The following TMEM135 variants were observed in gnomAD, a reference collection of about 807,000 sequenced individuals.
TMEM135 encodes peroxisomal membrane protein 52.
In TMEM135, 30 loss-of-function variants were observed where a neutral mutation model predicts 60.3. The ratio of observed to expected loss-of-function variants is 0.50; its 90% CI spans 0.37 to 0.68. The LOEUF (loss-of-function observed/expected upper bound fraction) is 0.68. Among genes scored for constraint, TMEM135 ranks in the 30% least tolerant of loss-of-function variants. The probability of loss-of-function intolerance (pLI) is 0.00; values close to 1 mark genes in which losing one functional copy is unlikely to be tolerated. For synonymous variants in TMEM135, 190 were observed against 186.7 expected (o/e 1.02, Z -0.14); for missense variants, 468 against 548.8 (o/e 0.85, Z 1.47).
chr11:87,139,217 G>C (rs560451632), intron 4 of TMEM135, among the ~76,000 whole-genome samples: 1 of 152,210 alleles, frequency 6.6e-6, no homozygotes, highest in Admixed American at 6.5e-5. Context: ...AATGATAAGG[G>C]GGAGTTGAAT....
intron 7 of TMEM135, among the ~76,000 whole-genome samples, chr11:87,299,036 C>T (rs187441247): frequency 1.7e-3 from 258 of 150,996 alleles, no homozygotes; most frequent in African/African-American, 6.0e-3. Context: ...TGCAGTGAGC[C>T]GAGATTGCGC....
At chr11:87,116,656 C>T (rs1857891354) in intron 4 of TMEM135, among the ~76,000 whole-genome samples, 2 of 144,208 alleles carry the variant, frequency 1.4e-5, no homozygotes, top group Admixed American at 7.1e-5. Context: ...CAGACACACA[C>T]ATACATATAG....
chr11:87,314,140 C>G (rs3737363), intron 11 of TMEM135, among the ~76,000 whole-genome samples: 1 of 151,502 alleles, frequency 6.6e-6, no homozygotes, highest in African/African-American at 2.4e-5. Flanking sequence ...CACTTAAAAT[C>G]GAAAAGGAAC....
chr11:87,040,819 G>A (rs1949744417), intron 1 of TMEM135, among the ~76,000 whole-genome samples: 1 of 152,068 alleles, frequency 6.6e-6, no homozygotes, highest in South Asian at 2.1e-4. Context: ...TTTATCATAG[G>A]TTTTGAATAG....
intron 6 of TMEM135, among the ~76,000 whole-genome samples, chr11:87,273,044 T>C (rs970274778): frequency 6.6e-6 from 1 of 152,186 alleles, no homozygotes; most frequent in African/African-American, 2.4e-5. Flanking sequence ...TTCTTCCATC[T>C]TATTATTGTT....
intron 6 of TMEM135, among the ~76,000 whole-genome samples, chr11:87,254,044 T>C (rs942265937): frequency 2.0e-5 from 3 of 152,092 alleles, no homozygotes; most frequent in African/African-American, 7.2e-5. Context: ...TATATAACAA[T>C]CTGTTACCTT....
intron 6 of TMEM135, among the ~76,000 whole-genome samples, chr11:87,287,191 A>C (rs924963242): frequency 6.6e-6 from 1 of 152,262 alleles, no homozygotes; most frequent in Non-Finnish European, 1.5e-5. Context: ...TGAAGTACAA[A>C]TAGAGTAGCT....
chr11:87,187,876 G>T (rs537669686), intron 5 of TMEM135, among the ~76,000 whole-genome samples: 48 of 152,284 alleles, frequency 3.2e-4, no homozygotes, highest in African/African-American at 1.2e-3. Context: ...TATTACTTAT[G>T]CCTGGCTAGG....
chr11:87,213,419 G>A (rs1376441396), intron 5 of TMEM135, among the ~76,000 whole-genome samples: 1 of 152,182 alleles, frequency 6.6e-6, no homozygotes, highest in Non-Finnish European at 1.5e-5. Context: ...TACCTAGAGT[G>A]TAATGAGAAG....
chr11:87,044,327 T>C (rs1235288298), intron 1 of TMEM135, among the ~76,000 whole-genome samples: 1 of 152,122 alleles, frequency 6.6e-6, no homozygotes, highest in Non-Finnish European at 1.5e-5. Context: ...CAGTGAGTGC[T>C]TTAGCAAGTT....
intron 11 of TMEM135, among the ~76,000 whole-genome samples, chr11:87,313,769 A>G (rs1257476279): frequency 1.3e-5 from 2 of 151,826 alleles, no homozygotes; most frequent in African/African-American, 2.4e-5. Flanking sequence ...AAAGCCTTAT[A>G]TTTATATTTG....
intron 5 of TMEM135, among the ~76,000 whole-genome samples, chr11:87,218,550 G>T (rs1940550534): frequency 6.6e-6 from 1 of 152,100 alleles, no homozygotes; most frequent in African/African-American, 2.4e-5. Flanking sequence ...AGCTGATATT[G>T]CTTTAGTAGT....
chr11:87,270,972 T>C lies in TMEM135; in HGVS notation c.510-24810T>C, dbSNP rs563512016. Among the ~76,000 whole-genome samples the C allele has an allele frequency of 9.3e-5, 14 of 151,086 alleles. No individual in the cohort carries two copies. In the East Asian group the frequency reaches 2.7e-3, roughly 29 times the overall value. On this transcript the variant is annotated intron_variant, in intron 6 of 14. Transcript: ENST00000305494. Reference sequence around the variant, plus strand: ...ATTTTCTCTCACAAGCTTTTTTTTTTAGAAACTTTTTCAGATTCAGATAAT... The same window carrying C: ...ATTTTCTCTCACAAGCTTTTTTTTTCAGAAACTTTTTCAGATTCAGATAAT...
At chr11:87,224,527 A>G (rs1290718176) in intron 5 of TMEM135, among the ~76,000 whole-genome samples, 7 of 152,182 alleles carry the variant, frequency 4.6e-5, no homozygotes, top group Non-Finnish European at 1.0e-4. Context: ...GAGGAAAAAC[A>G]TAATATCACC....
At chr11:87,117,001 A>G (rs997416897) in intron 4 of TMEM135, among the ~76,000 whole-genome samples, 3 of 151,762 alleles carry the variant, frequency 2.0e-5, no homozygotes, top group African/African-American at 7.3e-5. Flanking sequence ...TTTTGTATTT[A>G]TGGTAGAGAT....
chr11:87,129,323 A>G (rs902741797), intron 4 of TMEM135, among the ~76,000 whole-genome samples: 2 of 114,408 alleles, frequency 1.7e-5, no homozygotes, highest in East Asian at 3.0e-4. Flanking sequence ...GCTCACTGCA[A>G]CCTCTGCCTC....
At chr11:87,298,409 C>G (rs952935167) in intron 7 of TMEM135, among the ~76,000 whole-genome samples, 2 of 152,132 alleles carry the variant, frequency 1.3e-5, no homozygotes, top group African/African-American at 4.8e-5. Context: ...GAAAACTGTC[C>G]TTTATCCATA....
chr11:87,077,305 G>A (rs1013334474), intron 3 of TMEM135, among the ~76,000 whole-genome samples: 7 of 152,222 alleles, frequency 4.6e-5, no homozygotes, highest in African/African-American at 1.7e-4. Context: ...CATCTAAGAT[G>A]TAGCTTGTAT....
intron 4 of TMEM135, among the ~76,000 whole-genome samples, chr11:87,116,703 T>C (rs1162810078): frequency 6.6e-6 from 1 of 152,046 alleles, no homozygotes; most frequent in African/African-American, 2.4e-5. Context: ...GGTTTGGATC[T>C]AGACCACTGC....
Sources: allele counts gnomAD v4.1 joint callset (sites outside exome capture counted in the v4.1 genomes callset), GRCh38; gene constraint gnomAD v4.1.1; transcripts MANE v1.5; gene names NCBI Gene and HGNC (gene_info 2026-07-23, HGNC 2026-07-21).